CNTNAP2: variants seen among roughly 807,000 people sequenced by gnomAD.
CNTNAP2 encodes the protein contactin-associated protein-like 2.
A neutral mutation model predicts 155.2 loss-of-function variants in CNTNAP2; 98 were observed. The ratio of observed to expected loss-of-function variants is 0.63; its 90% CI spans 0.54 to 0.75. The LOEUF is 0.75. Ranked by LOEUF, CNTNAP2 falls within the 30% of genes least tolerant of loss-of-function variation. The pLI, the probability that CNTNAP2 is intolerant of heterozygous loss-of-function variation, is 0.00. For missense variants in CNTNAP2, 1,727 were observed against 1,688.1 expected (o/e 1.02, Z -0.40); for synonymous variants, 651 against 631.2 (o/e 1.03, Z -0.47).
intron 18 of CNTNAP2, 123 bp from the exon 19 acceptor site, chr7:148,217,165 A>T: frequency 1.1e-6 from 1 of 871,882 alleles, no homozygotes; most frequent in Admixed American, 1.8e-5. Flanking sequence ...TTCTCCATAG[A>T]ACTTACTCAG....
At chr7:146,361,288 A>G (rs1327516981) in intron 1 of CNTNAP2, among the ~76,000 whole-genome samples, 1 of 152,136 alleles carries the variant, frequency 6.6e-6, no homozygotes, top group Non-Finnish European at 1.5e-5. Flanking sequence ...TTCAGAGGGC[A>G]TACTTTTTGT....
intron 1 of CNTNAP2, among the ~76,000 whole-genome samples, chr7:146,248,240 G>A (rs1799696343): frequency 6.6e-6 from 1 of 151,814 alleles, no homozygotes; most frequent in Non-Finnish European, 1.5e-5. Flanking sequence ...TAGAAAAGCA[G>A]GACTTGCCGC....
At chr7:147,363,078 G>A (rs1022939327) in intron 9 of CNTNAP2, among the ~76,000 whole-genome samples, 4 of 152,154 alleles carry the variant, frequency 2.6e-5, no homozygotes, top group African/African-American at 9.7e-5. Context: ...ACCTTCACCT[G>A]TGGCTCAGGT....
intron 10 of CNTNAP2, among the ~76,000 whole-genome samples, chr7:147,408,503 C>G (rs986153347): frequency 3.3e-5 from 5 of 152,192 alleles, no homozygotes; most frequent in African/African-American, 4.8e-5. Flanking sequence ...GCTCACGCCT[C>G]TAATCCCGGC....
chr7:147,551,133 G>C (rs968995846), intron 11 of CNTNAP2, among the ~76,000 whole-genome samples: 1 of 152,116 alleles, frequency 6.6e-6, no homozygotes, highest in Admixed American at 6.6e-5. Context: ...TCTTAAATTA[G>C]AAGACAAACA....
chr7:146,479,012 G>A (rs1796921103), intron 1 of CNTNAP2, among the ~76,000 whole-genome samples: 1 of 152,050 alleles, frequency 6.6e-6, no homozygotes, highest in East Asian at 1.9e-4. Flanking sequence ...ATTTAGTATT[G>A]AAGTAGGAAA....
At chr7:148,050,225 G>A (rs553318145) in intron 15 of CNTNAP2, among the ~76,000 whole-genome samples, 1 of 152,300 alleles carries the variant, frequency 6.6e-6, no homozygotes, top group South Asian at 2.1e-4. Flanking sequence ...TCCAGAAGAA[G>A]GCATTGTTAC....
intron 8 of CNTNAP2, among the ~76,000 whole-genome samples, chr7:147,186,877 G>C (rs930416574): frequency 1.1e-5 from 1 of 93,680 alleles, no homozygotes; most frequent in Non-Finnish European, 3.0e-5. Context: ...TGATCTTTTC[G>C]GGCTGACCAG....
chr7:147,542,698 G>A (rs992859689), intron 11 of CNTNAP2, among the ~76,000 whole-genome samples: 1 of 152,078 alleles, frequency 6.6e-6, no homozygotes, highest in African/African-American at 2.4e-5. Context: ...CCTTGAACAG[G>A]TTTGGTGTCA....
At position 147,380,570 on chromosome 7, in the gene CNTNAP2, G is replaced by C. The variant is rs1408562733; in HGVS notation, c.1499-15039G>C. On this transcript the variant is annotated intron_variant, in intron 9 of 23. Transcript: ENST00000361727. ...GCCAAGCACACTCCTAAGCATCAAA[G>C]CCAAAAAAAAGGCAGAAAAATGTTA... Among the ~76,000 whole-genome samples, 5 of 151,862 alleles carry C rather than the reference G, an allele frequency of 3.3e-5. No individual in the cohort carries two copies. In the East Asian group the frequency reaches 7.7e-4, roughly 24 times the overall value.
chr7:147,751,704 T>C lies in CNTNAP2; in HGVS notation c.2098+112398T>C, dbSNP rs1314664669. ...AGTTCGAATGACGACATCAAAAATA[T>C]ACACAGCCTATGATAATCACAGCCC... On this transcript the variant is annotated intron_variant, in intron 13 of 23. Transcript: ENST00000361727. Among the ~76,000 whole-genome samples, 3 of 152,252 alleles carry C rather than the reference T, an allele frequency of 2.0e-5. No homozygotes were observed. The East Asian group carries it at 5.8e-4, about 29-fold the overall frequency.
At chr7:147,802,346 G>A (rs1402663016) in intron 13 of CNTNAP2, among the ~76,000 whole-genome samples, 3 of 151,298 alleles carry the variant, frequency 2.0e-5, no homozygotes, top group Non-Finnish European at 4.4e-5. Flanking sequence ...CGGCCAGGCA[G>A]AGACACTCCT....
chr7:147,187,539 C>G (rs1379555712), intron 8 of CNTNAP2, among the ~76,000 whole-genome samples: 1 of 152,114 alleles, frequency 6.6e-6, no homozygotes, highest in Non-Finnish European at 1.5e-5. Context: ...CATGTTCCCA[C>G]TTGTAAGTGG....
intron 15 of CNTNAP2, among the ~76,000 whole-genome samples, chr7:148,059,480 A>G (rs1472044342): frequency 3.3e-5 from 5 of 151,268 alleles, no homozygotes; most frequent in African/African-American, 1.2e-4. Flanking sequence ...AATCCCAGCT[A>G]CTCTGGCTGA....
At chr7:146,702,583 T>C (rs938981214) in intron 1 of CNTNAP2, among the ~76,000 whole-genome samples, 2 of 152,118 alleles carry the variant, frequency 1.3e-5, no homozygotes, top group African/African-American at 2.4e-5. Flanking sequence ...CAATGTAAGA[T>C]ATAACCTGAT....
In CNTNAP2 at chr7:147,682,756, G is replaced by A. The variant is rs569650710; in HGVS notation, c.2098+43450G>A. ...TTATGCAAAGTGGGGAAAGATATTC[G>A]TATTTCTTACATCTTCTGTTCTACA... On this transcript the variant is annotated intron_variant, in intron 13 of 23. Coordinates refer to ENST00000361727, the MANE Select transcript of CNTNAP2 (RefSeq NM_014141.6). 5.9e-5 allele frequency among the ~76,000 whole-genome samples: 9 copies of A among 151,976 alleles called. No individual in the cohort carries two copies. In the Middle Eastern group the frequency reaches 0.01, roughly 172 times the overall value.
At chr7:147,324,678 C>A (rs1289930927) in intron 9 of CNTNAP2, among the ~76,000 whole-genome samples, 3 of 151,922 alleles carry the variant, frequency 2.0e-5, no homozygotes, top group African/African-American at 7.3e-5. Context: ...AAATCACATG[C>A]TGATTTTATT....
chr7:146,959,900 C>A (rs1235341349), intron 3 of CNTNAP2, among the ~76,000 whole-genome samples: 1 of 152,006 alleles, frequency 6.6e-6, no homozygotes, highest in African/African-American at 2.4e-5. Flanking sequence ...TTGGAGAGAC[C>A]TAGGGATTCC....
intron 1 of CNTNAP2, among the ~76,000 whole-genome samples, chr7:146,615,580 A>C (rs1585007809): frequency 6.6e-6 from 1 of 152,354 alleles, no homozygotes; most frequent in Non-Finnish European, 1.5e-5. Context: ...ATCAACACAC[A>C]TCACTCTTGT....
Sources: gnomAD v4.1 joint callset for allele counts (sites outside exome capture counted in the v4.1 genomes callset) on GRCh38, gnomAD v4.1.1 for gene constraint, MANE v1.5 for transcripts, NCBI Gene and HGNC (gene_info 2026-07-23, HGNC 2026-07-21) for gene names.